The following GJA3 variants were observed in gnomAD, a reference collection of about 807,000 sequenced individuals.
The protein encoded by GJA3 is gap junction protein alpha 3, also known as gap junction alpha-3 protein.
For synonymous variants in GJA3, 297 were observed against 292.6 expected, an observed-to-expected ratio of 1.02 and a Z score of -0.15; for missense variants, 571 against 620.3, an observed-to-expected ratio of 0.92 and a Z score of 0.84.
rs1958794322 is a variant in GJA3, at chr13:20,139,339, T to C, written c.*2642A>G. 1 of 151,942 alleles carries C rather than the reference T, an allele frequency of 6.6e-6. No individual in the cohort carries two copies. Among genetic ancestry groups the C allele is most frequent in the Admixed American group, 6.6e-5 (1 of 15,262 alleles). 9.4% of individuals were successfully genotyped at this position (151,942 alleles called of 1,614,324 possible). A position where few individuals can be genotyped will look rare whatever the true frequency, so the allele number is the denominator to read the frequency against. ...TTAGAGATTTTTTAAAACTTTCTAA[T>C]GAATCAAGAACAAAATAGTTTCAGT... On this transcript the variant is annotated 3_prime_UTR_variant, in exon 2 of 2. Transcript: ENST00000241125.
intron 1 of GJA3, among the ~76,000 whole-genome samples, chr13:20,145,723 G>A (rs1042095268): frequency 9.2e-5 from 14 of 152,176 alleles, no homozygotes; most frequent in African/African-American, 1.7e-4. Context: ...GCCCCGCTCC[G>A]TCCGGCCACT....
rs1416152300 is a variant in GJA3, at chr13:20,142,168, A to C, written c.1121T>G (p.Leu374Arg). The change falls in exon 2 of 2, where the codon CTG becomes CGG. Residue 374 changes from leucine (L) to arginine (R), a missense_variant. Coordinates refer to ENST00000241125, the MANE Select transcript of GJA3 (RefSeq NM_021954.4). ...HEAEAGAAPL[L>R]LDGSGSSLEG... ...CAGACTGCTGCCGCTCCCATCCAGC[A>C]GCAGGGGCGCCGCGCCCGCCTCAGC... The C allele has an allele frequency of 6.6e-7, 1 of 1,515,912 alleles. No homozygotes were observed. Among genetic ancestry groups the C allele is most frequent in the Admixed American group, 2.1e-5 (1 of 48,232 alleles). The allele number at this position is 1,515,912 out of a possible 1,614,324, so 93.9% of individuals were successfully genotyped here.
At chr13:20,152,186 GGGA>G (rs1187974393) in intron 1 of GJA3, among the ~76,000 whole-genome samples, 4 of 152,118 alleles carry the variant, frequency 2.6e-5, no homozygotes, top group Non-Finnish European at 5.9e-5. Flanking sequence ...TGAAGGGCAG[GGGA>G]GGAGGAAACG....
At chr13:20,147,624 G>C (rs929613015) in intron 1 of GJA3, among the ~76,000 whole-genome samples, 1 of 152,096 alleles carries the variant, frequency 6.6e-6, no homozygotes, top group African/African-American at 2.4e-5. Context: ...CTGAGAATGG[G>C]GTGATTTTTC....
At chr13:20,146,529 T>G (rs1295135252) in intron 1 of GJA3, among the ~76,000 whole-genome samples, 1 of 152,152 alleles carries the variant, frequency 6.6e-6, no homozygotes, top group African/African-American at 2.4e-5. Context: ...GACCTCTGAG[T>G]GCAACCTACA....
At chr13:20,158,912 C>CAAAAAAAAAAAAAAAAAACAA (rs1958920686) in intron 1 of GJA3, among the ~76,000 whole-genome samples, 1 of 54,980 alleles carries the variant, frequency 1.8e-5, no homozygotes. Flanking sequence ...GCAAAACTCT[C>CAAAAAAAAAAAAAAAAAACAA]AAAAAAAAAA....
intron 1 of GJA3, among the ~76,000 whole-genome samples, chr13:20,156,597 C>A (rs1178800316): frequency 6.6e-6 from 1 of 152,194 alleles, no homozygotes; most frequent in African/African-American, 2.4e-5. Flanking sequence ...TAGGCATGAG[C>A]CACCAAGCCT....
In GJA3 at chr13:20,141,683, C is replaced by T; in HGVS notation, c.*298G>A. On this transcript the variant is annotated 3_prime_UTR_variant, in exon 2 of 2. Transcript: ENST00000241125. Reference sequence around the variant, plus strand: ...ACTACAGAACAGTTACCCCCAGAGACAGCCCTCAGCGACCAGATTTCTGGG... The same window carrying T: ...ACTACAGAACAGTTACCCCCAGAGATAGCCCTCAGCGACCAGATTTCTGGG... The T allele has an allele frequency of 2.2e-6, 1 of 448,288 alleles. No individual in the cohort carries two copies. Among genetic ancestry groups the T allele is most frequent in the African/African-American group, 2.0e-5 (1 of 49,290 alleles). The allele number at this position is 448,288 out of a possible 1,614,324, so 27.8% of individuals were successfully genotyped here.
At position 20,138,484 on chromosome 13, in the gene GJA3, T is replaced by G. The variant is rs1324161198; in HGVS notation, c.*3497A>C. On this transcript the variant is annotated 3_prime_UTR_variant, in exon 2 of 2. Transcript: ENST00000241125. ...CCCTAACTTGTTTGCCTTATTATAA[T>G]GTTCTGTAACGTAAAGGGGAAAAAA... The G allele has an allele frequency of 6.6e-6, 1 of 152,238 alleles. No homozygotes were observed. Among genetic ancestry groups the G allele is most frequent in the Non-Finnish European group, 1.5e-5 (1 of 68,040 alleles). 9.4% of individuals were successfully genotyped at this position (152,238 alleles called of 1,614,324 possible).
At chr13:20,161,356 C>G (rs1247897743), upstream of GJA3, among the ~76,000 whole-genome samples, 1 of 152,058 alleles carries the variant, frequency 6.6e-6, no homozygotes, top group East Asian at 1.9e-4. Context: ...AGAGGAGAGC[C>G]GAGGGCTGTT....
chr13:20,150,992 C>T (rs1420293403), intron 1 of GJA3, among the ~76,000 whole-genome samples: 2 of 152,090 alleles, frequency 1.3e-5, no homozygotes, highest in Admixed American at 6.5e-5. Context: ...GTTCTCAGTA[C>T]ATCAAGAACG....
chr13:20,141,363 C>T lies in GJA3; in HGVS notation c.*618G>A, dbSNP rs9509051. ...GCCCACTGAGCCTGCCTCTGGAGGG[C>T]AACTGCTCTTTGTCACTTGTCATGA... On this transcript the variant is annotated 3_prime_UTR_variant, in exon 2 of 2. Transcript: ENST00000241125. 0.98 allele frequency: 149,784 copies of T among 152,592 alleles called. 73,596 individuals carry two copies. The highest frequency in any genetic ancestry group is 1 in the East Asian group (5,182 of 5,182). 9.5% of individuals were successfully genotyped at this position (152,592 alleles called of 1,614,324 possible). A position where few individuals can be genotyped will look rare whatever the true frequency, so the allele number is the denominator to read the frequency against.
chr13:20,152,495 G>A (rs926652319), intron 1 of GJA3, among the ~76,000 whole-genome samples: 8 of 151,944 alleles, frequency 5.3e-5, no homozygotes, highest in African/African-American at 1.9e-4. Context: ...GGCGATTCTT[G>A]TGCCTCAGCC....
At position 20,143,062 on chromosome 13, in the gene GJA3, C is replaced by T. The variant is rs121917827; in HGVS notation, c.227G>A (p.Arg76His). ...GAAGATGATCTGCAGCGCCCAGAAG[C>T]GGATGTGGGAGATGGGGAAGGCCCT... ...YDRAFPISHI[R>H]FWALQIIFVS... Residue 76 changes from arginine (R) to histidine (H), a missense_variant, in exon 2 of 2, where the codon CGC becomes CAC. Physicochemically the swap from Arg to His is conservative, Grantham distance 29. Coordinates refer to ENST00000241125, the MANE Select transcript of GJA3 (RefSeq NM_021954.4). 2 of 1,613,770 alleles carry T rather than the reference C, an allele frequency of 1.2e-6. No individual in the cohort carries two copies. The highest frequency in any genetic ancestry group is 1.7e-6 in the Non-Finnish European group (2 of 1,179,864).
chr13:20,150,942 T>C (rs1013895091), intron 1 of GJA3, among the ~76,000 whole-genome samples: 1 of 151,974 alleles, frequency 6.6e-6, no homozygotes, highest in Non-Finnish European at 1.5e-5. Flanking sequence ...GGGGGAGGGG[T>C]CAATGCAGTG....
chr13:20,143,889 A>G (rs1201326385), intron 1 of GJA3, among the ~76,000 whole-genome samples: 1 of 152,254 alleles, frequency 6.6e-6, no homozygotes, highest in Non-Finnish European at 1.5e-5. Flanking sequence ...AAGAGTAAAT[A>G]TATTCCAACT....
rs1189897910 is a variant in GJA3, at chr13:20,139,226, A to G, written c.*2755T>C. ...CATTTTATAAAAACAGGGATATAAG[A>G]AGTAATTGTATACAGCAGCTTAAAA... On this transcript the variant is annotated 3_prime_UTR_variant, in exon 2 of 2. Transcript: ENST00000241125. 2 of 152,172 alleles carry G rather than the reference A, an allele frequency of 1.3e-5. No individual in the cohort carries two copies. Among genetic ancestry groups the G allele is most frequent in the Non-Finnish European group, 2.9e-5 (2 of 68,022 alleles). The allele number at this position is 152,172 out of a possible 1,614,324, so 9.4% of individuals were successfully genotyped here.
chr13:20,157,566 G>A (rs2141146283), intron 1 of GJA3, among the ~76,000 whole-genome samples: 1 of 152,300 alleles, frequency 6.6e-6, no homozygotes, highest in African/African-American at 2.4e-5. Flanking sequence ...GCTGACACCA[G>A]CACAGAAGTG....
At chr13:20,156,645 A>G (rs1016977674) in intron 1 of GJA3, among the ~76,000 whole-genome samples, 2 of 152,234 alleles carry the variant, frequency 1.3e-5, no homozygotes, top group Non-Finnish European at 2.9e-5. Flanking sequence ...GGAAGTAATT[A>G]AAACAGCTGT....
Sources: gnomAD v4.1 joint callset for allele counts (sites outside exome capture counted in the v4.1 genomes callset) on GRCh38, gnomAD v4.1.1 for gene constraint, MANE v1.5 for transcripts, NCBI Gene and HGNC (gene_info 2026-07-23, HGNC 2026-07-21) for gene names.